The following GALNT13 variants were observed in gnomAD, a reference collection of about 807,000 sequenced individuals.
GALNT13 encodes the protein polypeptide N-acetylgalactosaminyltransferase 13, also known as UDP-GalNAc:polypeptide N-acetylgalactosaminyltransferase 13.
In GALNT13, 28 loss-of-function variants were observed where a neutral mutation model predicts 64.2. The observed-to-expected ratio is 0.44, with a 90% CI of 0.32 to 0.60. The LOEUF is 0.60. GALNT13 is among the 20% of genes least tolerant of loss of function. The probability of loss-of-function intolerance (pLI) is 0.05; values close to 1 mark genes in which losing one functional copy is unlikely to be tolerated. For missense variants in GALNT13, 577 were observed against 669.8 expected, an observed-to-expected ratio of 0.86 and a Z score of 1.53; for synonymous variants, 214 against 224.6, an observed-to-expected ratio of 0.95 and a Z score of 0.42.
chr2:153,858,935 T>C, the GALNT13 span, among the ~76,000 whole-genome samples: 1 of 152,132 alleles, frequency 6.6e-6, no homozygotes, highest in African/African-American at 2.4e-5. Context: ...GATTTCGCCA[T>C]ATTGGCCAGG....
At chr2:153,202,951 T>C in the GALNT13 span, among the ~76,000 whole-genome samples, 1 of 152,184 alleles carries the variant, frequency 6.6e-6, no homozygotes, top group Non-Finnish European at 1.5e-5. Context: ...ATTGCTCTCA[T>C]TTGTATGGAT....
chr2:154,200,120 T>C (rs980814497), intron 4 of GALNT13, among the ~76,000 whole-genome samples: 5 of 152,110 alleles, frequency 3.3e-5, no homozygotes, highest in Non-Finnish European at 5.9e-5. Context: ...CAAATTGTTA[T>C]CCCTGTAAGA....
chr2:153,449,954 C>A, the GALNT13 span: 1 of 152,174 alleles, frequency 6.6e-6, no homozygotes, highest in Non-Finnish European at 1.5e-5. Flanking sequence ...GTTTCAATGC[C>A]AGAATTTTGG....
the GALNT13 span, among the ~76,000 whole-genome samples, chr2:153,481,166 G>T: frequency 6.6e-6 from 1 of 151,996 alleles, no homozygotes; most frequent in Non-Finnish European, 1.5e-5. Flanking sequence ...TCTTGGGATT[G>T]TTTCCCTTAT....
At chr2:153,713,624 AGGTGTAC>A in the GALNT13 span, among the ~76,000 whole-genome samples, 1 of 152,192 alleles carries the variant, frequency 6.6e-6, no homozygotes, top group Non-Finnish European at 1.5e-5. Flanking sequence ...CTGAGACTAC[AGGTGTAC>A]GCCACCACAC....
the GALNT13 span, among the ~76,000 whole-genome samples, chr2:153,632,721 T>G: frequency 6.6e-6 from 1 of 152,112 alleles, no homozygotes; most frequent in Non-Finnish European, 1.5e-5. Context: ...TTTTTCATGA[T>G]TTGATAGCTC....
At chr2:153,417,551 A>C in the GALNT13 span, among the ~76,000 whole-genome samples, 14 of 152,196 alleles carry the variant, frequency 9.2e-5, no homozygotes, top group Non-Finnish European at 1.8e-4. Context: ...TTGTTTTTGA[A>C]TATGTCTTGA....
chr2:153,354,951 G>A, the GALNT13 span, among the ~76,000 whole-genome samples: 2 of 152,168 alleles, frequency 1.3e-5, no homozygotes, highest in African/African-American at 4.8e-5. Context: ...TGCAACAGGA[G>A]TAAAGAGAAC....
chr2:154,382,836 A>C (rs961680529), intron 9 of GALNT13, among the ~76,000 whole-genome samples: 5 of 151,610 alleles, frequency 3.3e-5, no homozygotes, highest in Non-Finnish European at 7.4e-5. Context: ...AGTGTGTCTT[A>C]ACTGAGAGAC....
chr2:153,541,528 C>T, the GALNT13 span, among the ~76,000 whole-genome samples: 3 of 152,128 alleles, frequency 2.0e-5, no homozygotes, highest in Non-Finnish European at 4.4e-5. Context: ...AACACCTTTC[C>T]CCAAAGCCAG....
At chr2:153,546,320 T>C in the GALNT13 span, among the ~76,000 whole-genome samples, 1 of 152,206 alleles carries the variant, frequency 6.6e-6, no homozygotes, top group East Asian at 1.9e-4. Context: ...GGAAAAAACT[T>C]TGTATTTCTG....
chr2:154,263,046 G>T lies in GALNT13; in HGVS notation c.975+3908G>T, dbSNP rs576691465. On this transcript the variant is annotated intron_variant, in intron 8 of 12. Coordinates refer to ENST00000392825, the MANE Select transcript of GALNT13 (RefSeq NM_052917.4). ...CATTCCCAAGAGTACAGATCATTTTGCCCATTCTAAAATGAAGAAAACTGC... is the reference window on the plus strand; with the variant it reads ...CATTCCCAAGAGTACAGATCATTTTTCCCATTCTAAAATGAAGAAAACTGC... 4.6e-5 allele frequency among the ~76,000 whole-genome samples: 7 copies of T among 152,122 alleles called. No homozygotes were observed. In the South Asian group the frequency reaches 8.3e-4, roughly 18 times the overall value.
At chr2:153,252,764 C>T in the GALNT13 span, among the ~76,000 whole-genome samples, 3 of 152,144 alleles carry the variant, frequency 2.0e-5, no homozygotes, top group Non-Finnish European at 4.4e-5. Flanking sequence ...TCAGGTTTGT[C>T]AAAGATCTGA....
At chr2:154,095,570 A>G (rs547302420) in intron 3 of GALNT13, among the ~76,000 whole-genome samples, 1 of 152,044 alleles carries the variant, frequency 6.6e-6, no homozygotes, top group African/African-American at 2.4e-5. Flanking sequence ...CTATTTTTTT[A>G]ATTATGCTTA....
chr2:153,638,956 C>G, the GALNT13 span, among the ~76,000 whole-genome samples: 1 of 152,152 alleles, frequency 6.6e-6, no homozygotes, highest in Non-Finnish European at 1.5e-5. Flanking sequence ...CCCTTGAGCT[C>G]ATAAAATGTC....
the GALNT13 span, among the ~76,000 whole-genome samples, chr2:153,340,585 G>A: frequency 7.3e-5 from 11 of 151,642 alleles, no homozygotes; most frequent in East Asian, 2.1e-3. Flanking sequence ...AACCCAGGAG[G>A]CAGAGATTGC....
the GALNT13 span, among the ~76,000 whole-genome samples, chr2:153,689,073 T>C: frequency 6.3e-5 from 6 of 94,824 alleles, no homozygotes; most frequent in African/African-American, 1.8e-4. Flanking sequence ...CGTGTGTATG[T>C]GTGTGTGTGT....
intron 8 of GALNT13, among the ~76,000 whole-genome samples, chr2:154,265,892 C>T (rs915373508): frequency 2.0e-5 from 3 of 151,990 alleles, no homozygotes; most frequent in African/African-American, 7.3e-5. Flanking sequence ...CAAGTTTCTC[C>T]GTATGTCAAA....
chr2:153,126,017 A>G, the GALNT13 span, among the ~76,000 whole-genome samples: 1 of 151,986 alleles, frequency 6.6e-6, no homozygotes, highest in South Asian at 2.1e-4. Flanking sequence ...GCCTTTGGTC[A>G]TTCTAGTTCA....
Sources: gnomAD v4.1 joint callset for allele counts (sites outside exome capture counted in the v4.1 genomes callset) on GRCh38, gnomAD v4.1.1 for gene constraint, MANE v1.5 for transcripts, NCBI Gene and HGNC (gene_info 2026-07-23, HGNC 2026-07-21) for gene names.